The following MYO5B variants were observed in gnomAD, a reference collection of about 807,000 sequenced individuals.
MYO5B encodes the protein unconventional myosin-Vb.
MYO5B carries 143 observed loss-of-function variants against 229.3 expected under a neutral mutation model. The ratio of observed to expected loss-of-function variants is 0.62; its 90% CI spans 0.54 to 0.72. The LOEUF is 0.72. Among genes scored for constraint, MYO5B ranks in the 30% least tolerant of loss-of-function variants. The pLI is 0.00. For missense variants in MYO5B, 2,321 were observed against 2,331.0 expected (o/e 1.00, Z 0.09); for synonymous variants, 918 against 885.2 (o/e 1.04, Z -0.66).
chr18:50,092,045 A>G (rs1011560530), intron 1 of MYO5B, among the ~76,000 whole-genome samples: 2 of 152,178 alleles, frequency 1.3e-5, no homozygotes, highest in Non-Finnish European at 2.9e-5. Flanking sequence ...CTGTTACTTC[A>G]TGAGATTCTA....
intron 1 of MYO5B, among the ~76,000 whole-genome samples, chr18:50,126,839 C>T (rs1375099132): frequency 6.6e-6 from 1 of 152,220 alleles, no homozygotes; most frequent in African/African-American, 2.4e-5. Flanking sequence ...CTCTCTGGCT[C>T]TGTAACCTTG....
chr18:49,882,154 C>T (rs939800603), intron 22 of MYO5B, among the ~76,000 whole-genome samples: 1 of 152,042 alleles, frequency 6.6e-6, no homozygotes, highest in Non-Finnish European at 1.5e-5. Flanking sequence ...TGCCAGTGGC[C>T]CCTCAAAATT....
At chr18:50,033,865 T>C (rs751909422) in intron 4 of MYO5B, among the ~76,000 whole-genome samples, 18 of 146,600 alleles carry the variant, frequency 1.2e-4, no homozygotes, top group Non-Finnish European at 2.1e-4. Flanking sequence ...CTTACGGCTA[T>C]CTCCTCTAAC....
chr18:49,963,032 T>A lies in MYO5B; in HGVS notation c.1323-2A>T, dbSNP rs1568049625. 1 of 1,612,592 alleles carries A rather than the reference T, an allele frequency of 6.2e-7. No homozygotes were observed. Among genetic ancestry groups the A allele is most frequent in the African/African-American group, 1.3e-5 (1 of 74,860 alleles). On this transcript the variant is annotated splice_acceptor_variant, in intron 10 of 39. Transcript: ENST00000285039. LOFTEE classifies it high-confidence loss of function. ...CTGTTTACCTCAAATGTCTCAAACC[T>A]ACAGAATGGAAAGAGAAGATAAGAG...
intron 1 of MYO5B, among the ~76,000 whole-genome samples, chr18:50,099,747 T>C (rs565638246): frequency 6.6e-6 from 1 of 152,232 alleles, no homozygotes; most frequent in Admixed American, 6.5e-5. Flanking sequence ...ATTTGCAGAA[T>C]AGTTAGCTGA....
intron 14 of MYO5B, among the ~76,000 whole-genome samples, chr18:49,943,984 CG>C (rs1568040953): frequency 2.6e-5 from 4 of 151,952 alleles, no homozygotes; most frequent in Admixed American, 2.0e-4. Context: ...TCTGTGCATT[CG>C]GGGGGCTAAG....
intron 14 of MYO5B, among the ~76,000 whole-genome samples, chr18:49,945,444 C>A (rs1354836253): frequency 1.5e-5 from 2 of 137,142 alleles, no homozygotes; most frequent in Non-Finnish European, 3.0e-5. Context: ...AGGGGAGTAT[C>A]ATGCAGTCCT....
intron 22 of MYO5B, among the ~76,000 whole-genome samples, chr18:49,883,370 A>C (rs2024608952): frequency 1.3e-5 from 2 of 150,336 alleles, no homozygotes; most frequent in African/African-American, 5.0e-5. Flanking sequence ...AATCTGAAAA[A>C]TAAATTAAGA....
At chr18:49,875,491 T>C (rs1327179679) in intron 26 of MYO5B, among the ~76,000 whole-genome samples, 196 bp downstream of exon 26, 1 of 152,144 alleles carries the variant, frequency 6.6e-6, no homozygotes, top group East Asian at 1.9e-4. Flanking sequence ...TGAGGGAGCT[T>C]ACTCCTGTTC....
chr18:50,119,531 A>C lies in MYO5B; in HGVS notation c.28-64153T>G, dbSNP rs1162858962. Among the ~76,000 whole-genome samples, 4 of 152,164 alleles carry C rather than the reference A, an allele frequency of 2.6e-5. No homozygotes were observed. The East Asian group carries it at 7.7e-4, about 29-fold the overall frequency. On this transcript the variant is annotated intron_variant, in intron 1 of 39. Transcript: ENST00000285039. ...GTTCGCATGACAGGGTCAGAGAGAG[A>C]CAACTGGAAAGGATAATTTCCTCAT... is the stretch of plus-strand genomic sequence containing the variant.
intron 21 of MYO5B, among the ~76,000 whole-genome samples, chr18:49,899,089 G>A (rs1379907755): frequency 2.0e-5 from 3 of 152,102 alleles, no homozygotes; most frequent in African/African-American, 7.2e-5. Flanking sequence ...ACAGAACCCA[G>A]GCCTCTGTCC....
intron 2 of MYO5B, among the ~76,000 whole-genome samples, chr18:50,048,572 T>C (rs574394319): frequency 1.8e-4 from 28 of 152,272 alleles, no homozygotes; most frequent in African/African-American, 6.5e-4. Context: ...ACATCAGTTC[T>C]ACTTAGCACC....
intron 17 of MYO5B, among the ~76,000 whole-genome samples, chr18:49,926,076 T>C (rs543760052): frequency 2.0e-5 from 3 of 152,232 alleles, no homozygotes; most frequent in Admixed American, 1.3e-4. Context: ...TCTCTGTCCT[T>C]TTTTCTAAGC....
In MYO5B at chr18:49,954,022, ATATGTG is replaced by A. The variant is rs74176749; in HGVS notation, c.1668+285_1668+290del. On this transcript the variant is annotated intron_variant, in intron 13 of 39. Coordinates refer to ENST00000285039, the MANE Select transcript of MYO5B (RefSeq NM_001080467.3). ...CAGACATATATGTGTGTATGTATTT[ATATGTG>A]TGTGTGTGTGTGTGTGTGTGTGTGT... is the stretch of plus-strand genomic sequence containing the variant. 0.17 allele frequency among the ~76,000 whole-genome samples: 21,973 copies of A among 129,678 alleles called. 2,193 individuals carry two copies. Among genetic ancestry groups the A allele is most frequent in the Non-Finnish European group, 0.18 (11,263 of 62,158 alleles). The allele number at this position is 129,678 out of a possible 152,430, so 85.1% of individuals were successfully genotyped here. A position where few individuals can be genotyped will look rare whatever the true frequency, so the allele number is the denominator to read the frequency against.
intron 9 of MYO5B, among the ~76,000 whole-genome samples, chr18:49,978,744 CAA>C (rs2025781968): frequency 6.9e-6 from 1 of 144,288 alleles, no homozygotes; most frequent in Admixed American, 6.9e-5. Context: ...CACACACACA[CAA>C]AATGCTCAGC....
At chr18:49,911,321 C>T (rs957519696) in intron 18 of MYO5B, among the ~76,000 whole-genome samples, 4 of 152,350 alleles carry the variant, frequency 2.6e-5, no homozygotes, top group African/African-American at 9.6e-5. Flanking sequence ...GGAGTTCAGT[C>T]AGGCTGGTGG....
chr18:49,930,365 T>G (rs1247336111), intron 16 of MYO5B, among the ~76,000 whole-genome samples: 1 of 152,202 alleles, frequency 6.6e-6, no homozygotes, highest in Non-Finnish European at 1.5e-5. Context: ...TGTGCACCAT[T>G]TTCAACCACT....
chr18:49,892,964 G>T (rs960979961), intron 22 of MYO5B, among the ~76,000 whole-genome samples: 11 of 152,138 alleles, frequency 7.2e-5, no homozygotes, highest in Admixed American at 7.2e-4. Context: ...TTTTCTTTAA[G>T]ACCTAGGTCA....
chr18:49,883,323 C>CA (rs1169369428), intron 22 of MYO5B, among the ~76,000 whole-genome samples: 4 of 151,222 alleles, frequency 2.6e-5, no homozygotes, highest in Non-Finnish European at 5.9e-5. Context: ...TTTCAATATA[C>CA]AAAACTCAAT....
Sources: gnomAD v4.1 joint callset for allele counts (sites outside exome capture counted in the v4.1 genomes callset) on GRCh38, gnomAD v4.1.1 for gene constraint, MANE v1.5 for transcripts, NCBI Gene and HGNC (gene_info 2026-07-23, HGNC 2026-07-21) for gene names.